The following SLC36A4 variants were observed in gnomAD, a reference collection of about 807,000 sequenced individuals.
SLC36A4 encodes solute carrier family 36 member 4, also known as neutral amino acid uniporter 4.
Under a neutral mutation model 50.5 loss-of-function variants are expected in SLC36A4, and 49 were observed. That is an observed-to-expected ratio of 0.97 (90% confidence interval 0.77 to 1.23). The LOEUF is 1.23. Among genes scored for constraint, SLC36A4 ranks in the 50% most tolerant of loss-of-function variants. SLC36A4 has a pLI of 0.00. For synonymous variants in SLC36A4, 207 were observed against 206.5 expected (o/e 1.00, Z -0.02); for missense variants, 611 against 608.4 (o/e 1.00, Z -0.05).
intron 7 of SLC36A4, chr11:93,167,363 C>T (rs1406380870): frequency 6.6e-6 from 1 of 152,046 alleles, no homozygotes; most frequent in African/African-American, 2.4e-5. Context: ...TACAGAAATA[C>T]TAAATCTTGC....
At position 93,197,947 on chromosome 11, in the gene SLC36A4, GC is replaced by G. The variant is rs1190042306; in HGVS notation, c.-116del. Reference sequence around the variant, plus strand: ...CCGGAGGGACCCGCGCCTGGTGCCCGCCTCCCTGCCCCGGCGCTCCCCAACC... The same window carrying G: ...CCGGAGGGACCCGCGCCTGGTGCCCGCTCCCTGCCCCGGCGCTCCCCAACC... On this transcript the variant is annotated 5_prime_UTR_variant, in exon 1 of 11. It removes the in-frame stop codon of an upstream open reading frame in the 5' UTR. Transcript: ENST00000326402. The G allele has an allele frequency of 9.2e-7, 1 of 1,087,496 alleles. No homozygotes were observed. Among genetic ancestry groups the G allele is most frequent in the African/African-American group, 1.7e-5 (1 of 59,744 alleles). 67.4% of individuals were successfully genotyped at this position (1,087,496 alleles called of 1,614,324 possible). A position where few individuals can be genotyped will look rare whatever the true frequency, so the allele number is the denominator to read the frequency against.
Position 93,183,799 on chromosome 11 carries a change from G to A in SLC36A4, c.270+631C>T, listed in dbSNP as rs958046582. Among the ~76,000 whole-genome samples the A allele has an allele frequency of 4.0e-5, 6 of 151,890 alleles. No individual in the cohort carries two copies. In the South Asian group the frequency reaches 1.2e-3, roughly 32 times the overall value. The stretch of plus-strand genomic sequence containing the variant: ...TGCAAACTCCACCTCCTGGGTTCAC[G>A]CCATTCTCCTGCCTCAGCCTCCCGA... On this transcript the variant is annotated intron_variant, in intron 3 of 10. Coordinates refer to ENST00000326402, the MANE Select transcript of SLC36A4 (RefSeq NM_152313.4).
intron 3 of SLC36A4, among the ~76,000 whole-genome samples, chr11:93,183,882 T>C (rs919612704): frequency 1.3e-4 from 20 of 152,054 alleles, no homozygotes; most frequent in African/African-American, 2.4e-4. Context: ...CATTTTTTAG[T>C]AGAGACGGGG....
intron 6 of SLC36A4, among the ~76,000 whole-genome samples, chr11:93,178,062 C>T (rs558121829): frequency 1.8e-4 from 28 of 152,304 alleles, no homozygotes; most frequent in Non-Finnish European, 3.5e-4. Flanking sequence ...CTACTCAAGC[C>T]TCAGCAATGG....
At chr11:93,155,159 T>C (rs1030220015) in intron 9 of SLC36A4, 8 of 152,108 alleles carry the variant, frequency 5.3e-5, no homozygotes, top group Non-Finnish European at 4.4e-5. Context: ...ATAAAATTAA[T>C]ATGCTGTATT....
At chr11:93,162,660 A>C (rs373749894) in intron 9 of SLC36A4, 46 bp downstream of exon 9, 14 of 1,424,400 alleles carry the variant, frequency 9.8e-6, no homozygotes, top group Non-Finnish European at 1.2e-5. Context: ...ACAGTGGTAC[A>C]TTATAAAATA....
At chr11:93,181,363 T>C (rs942998924) in intron 5 of SLC36A4, among the ~76,000 whole-genome samples, 6 of 152,112 alleles carry the variant, frequency 3.9e-5, no homozygotes, top group African/African-American at 1.4e-4. Flanking sequence ...AAAAAATTAA[T>C]GAACACGATT....
rs1860968467 is a variant in SLC36A4 at position 93,168,133 on chromosome 11, T to G, written c.579A>C (p.Ser193=). The change falls in exon 7 of 11, where the codon TCA becomes TCC. Residue 193 remains serine, a synonymous_variant. Coordinates refer to ENST00000326402, the MANE Select transcript of SLC36A4 (RefSeq NM_152313.4). Reference sequence around the variant, plus strand: ...AAGGGTTTGATGAATTGGTACTATTTGAAATAAACACTTTACTCTCCAGGA... The same window carrying G: ...AAGGGTTTGATGAATTGGTACTATTGGAAATAAACACTTTACTCTCCAGGA... ...EGFLESKVFI[S]NSTNSSNPCE... The G allele has an allele frequency of 6.2e-7, 1 of 1,612,008 alleles. No homozygotes were observed. The highest frequency in any genetic ancestry group is 8.5e-7 in the Non-Finnish European group (1 of 1,178,836).
At chr11:93,183,343 A>C (rs1367989506) in intron 3 of SLC36A4, among the ~76,000 whole-genome samples, 1 of 152,200 alleles carries the variant, frequency 6.6e-6, no homozygotes, top group Non-Finnish European at 1.5e-5. Context: ...AACCATGCTT[A>C]TAAAATAATT....
In SLC36A4 at chr11:93,185,797, G is replaced by T; in HGVS notation, c.73C>A (p.Pro25Thr). The change falls in exon 2 of 11, where the codon CCC becomes ACC. Residue 25 changes from proline (P) to threonine (T), a missense_variant. Coordinates refer to ENST00000326402, the MANE Select transcript of SLC36A4 (RefSeq NM_152313.4). The stretch of plus-strand genomic sequence containing the variant: ...TCAAAATTCTGCTCATTTATCAAGG[G>T]CCTCATTACATCCATATCTTTAAAA... The part of the protein sequence containing the change: ...REELDMDVMR[P>T]LINEQNFDGT... 1 of 1,601,932 alleles carries T rather than the reference G, an allele frequency of 6.2e-7. No homozygotes were observed. Among genetic ancestry groups the T allele is most frequent in the Non-Finnish European group, 8.5e-7 (1 of 1,176,878 alleles).
rs754025387 is a variant in SLC36A4, at chr11:93,184,514, T to C, written c.186A>G (p.Val62=). The change falls in exon 3 of 11, where the codon GTA becomes GTG. Residue 62 remains valine, a synonymous_variant. Transcript: ENST00000326402. Reference sequence around the variant, plus strand: ...CTTTAAGAAGGTGCATAAGAGTTTGTACAAATCTGAAAAGTAAAAGTTGTA... The same window carrying C: ...CTTTAAGAAGGTGCATAAGAGTTTGCACAAATCTGAAAAGTAAAAGTTGTA... ...QLDDQEGISF[V]QTLMHLLKGN... is the part of the protein sequence containing the mutation. The C allele has an allele frequency of 6.3e-7, 1 of 1,591,936 alleles. No individual in the cohort carries two copies. Among genetic ancestry groups the C allele is most frequent in the East Asian group, 2.2e-5 (1 of 44,620 alleles).
chr11:93,190,505 C>G (rs1449774656), intron 1 of SLC36A4, among the ~76,000 whole-genome samples: 1 of 152,128 alleles, frequency 6.6e-6, no homozygotes, highest in Non-Finnish European at 1.5e-5. Flanking sequence ...CGTACAATTA[C>G]TTGCCCACAA....
intron 6 of SLC36A4, among the ~76,000 whole-genome samples, chr11:93,179,489 A>T (rs1284896434): frequency 6.6e-6 from 1 of 152,224 alleles, no homozygotes; most frequent in Non-Finnish European, 1.5e-5. Flanking sequence ...GAAGACATGG[A>T]AGGAACAGTT....
At chr11:93,179,780 T>G (rs1394935650) in intron 6 of SLC36A4, among the ~76,000 whole-genome samples, 1 of 152,210 alleles carries the variant, frequency 6.6e-6, no homozygotes, top group Non-Finnish European at 1.5e-5. Context: ...CCACCTATTT[T>G]TGCAAATAAA....
intron 9 of SLC36A4, chr11:93,160,827 G>A: frequency 1.2e-6 from 1 of 832,480 alleles, no homozygotes; most frequent in Non-Finnish European, 1.4e-6. Flanking sequence ...TTAAGACCTA[G>A]TCAAAATATT....
At chr11:93,154,867 G>T (rs1860278938) in intron 9 of SLC36A4, 1 of 152,068 alleles carries the variant, frequency 6.6e-6, no homozygotes. Context: ...CAGTTGCTGG[G>T]TAAGGTTGTT....
Position 93,185,768 on chromosome 11 carries a change from C to T in SLC36A4, c.102G>A (p.Gly34=). The T allele has an allele frequency of 6.2e-7, 1 of 1,608,270 alleles. No homozygotes were observed. The highest frequency in any genetic ancestry group is 8.5e-7 in the Non-Finnish European group (1 of 1,178,362). ...RPLINEQNFD[G]TSDEEHEQEL... ...CTTGCTCATGTTCTTCATCTGATGT[C>T]CCATCAAAATTCTGCTCATTTATCA... Residue 34 remains glycine, a synonymous_variant, in exon 2 of 11, where the codon GGG becomes GGA. Coordinates refer to ENST00000326402, the MANE Select transcript of SLC36A4 (RefSeq NM_152313.4).
At position 93,176,239 on chromosome 11, in the gene SLC36A4, A is replaced by T. The variant is rs1268138157; in HGVS notation, c.540+4558T>A. ...GTCTCTTTTGATCTTTGTTGGTTTA[A>T]AGTCTGTTTTATCAGAGACTAGGAT... On this transcript the variant is annotated intron_variant, in intron 6 of 10. Coordinates refer to ENST00000326402, the MANE Select transcript of SLC36A4 (RefSeq NM_152313.4). Among the ~76,000 whole-genome samples the T allele has an allele frequency of 1.7e-4, 25 of 151,476 alleles. 1 individual carries two copies. The East Asian group carries it at 4.7e-3, about 28-fold the overall frequency.
At chr11:93,180,937 AT>A in intron 5 of SLC36A4, 56 bp from the exon 6 acceptor site, 1 of 1,156,116 alleles carries the variant, frequency 8.6e-7, no homozygotes, top group Non-Finnish European at 1.3e-6. Flanking sequence ...ATGTCAATAT[AT>A]TTTATTTCTC....
Sources: allele counts gnomAD v4.1 joint callset (sites outside exome capture counted in the v4.1 genomes callset), GRCh38; gene constraint gnomAD v4.1.1; transcripts MANE v1.5; gene names NCBI Gene and HGNC (gene_info 2026-07-23, HGNC 2026-07-21).